ETFA: variants seen among roughly 807,000 people sequenced by gnomAD.
The protein encoded by ETFA is electron transfer flavoprotein subunit alpha.
A neutral mutation model predicts 46.2 loss-of-function variants in ETFA; 22 were observed. The ratio of observed to expected loss-of-function variants is 0.48; its 90% confidence interval spans 0.34 to 0.68. The LOEUF (loss-of-function observed/expected upper bound fraction) is 0.68. ETFA is among the 30% of genes least tolerant of loss of function. The pLI, the probability that ETFA is intolerant of heterozygous loss-of-function variation, is 0.01. For missense variants in ETFA, 345 were observed against 401.1 expected (o/e 0.86, Z 1.19); for synonymous variants, 131 against 139.9 (o/e 0.94, Z 0.45).
chr15:76,268,284 T>C (rs768721347), intron 9 of ETFA, among the ~76,000 whole-genome samples: 1 of 150,748 alleles, frequency 6.6e-6, no homozygotes, highest in Non-Finnish European at 1.5e-5. Context: ...ATGAAAAAAC[T>C]GTGTGGGTGC....
chr15:76,227,708 C>T (rs889665197), intron 10 of ETFA: 7 of 407,484 alleles, frequency 1.7e-5, no homozygotes, highest in Non-Finnish European at 2.9e-5. Flanking sequence ...TAAGTTTCTA[C>T]CTACCTGGCA....
intron 5 of ETFA, among the ~76,000 whole-genome samples, 196 bp from the exon 6 acceptor site, chr15:76,286,677 A>G (rs2039708052): frequency 6.6e-6 from 1 of 152,172 alleles, no homozygotes; most frequent in African/African-American, 2.4e-5. Flanking sequence ...ATAACCCTGG[A>G]TGTCTTTAAA....
chr15:76,287,013 T>C (rs928651023), intron 5 of ETFA, among the ~76,000 whole-genome samples: 3 of 152,062 alleles, frequency 2.0e-5, no homozygotes, highest in Non-Finnish European at 2.9e-5. Flanking sequence ...TCAAACATTA[T>C]GGAAGATGAA....
intron 11 of ETFA, among the ~76,000 whole-genome samples, chr15:76,216,995 C>T (rs978736216): frequency 6.6e-6 from 1 of 151,752 alleles, no homozygotes; most frequent in African/African-American, 2.4e-5. Flanking sequence ...CTGTCTAATT[C>T]TTGTAGAGAT....
At chr15:76,244,773 T>C (rs1005303377) in intron 9 of ETFA, among the ~76,000 whole-genome samples, 4 of 152,246 alleles carry the variant, frequency 2.6e-5, no homozygotes, top group Non-Finnish European at 5.9e-5. Context: ...TGTCTACTCT[T>C]ATTGATTTTC....
At chr15:76,259,115 T>A in intron 9 of ETFA, 1 of 1,524,518 alleles carries the variant, frequency 6.6e-7, no homozygotes, top group South Asian at 1.1e-5. Context: ...TGAGGATGTA[T>A]CAACATTCAC....
intron 2 of ETFA, among the ~76,000 whole-genome samples, chr15:76,293,448 A>G (rs74026416): frequency 0.013 from 1,914 of 152,316 alleles, 33 homozygotes; most frequent in African/African-American, 0.039. Context: ...ACATACACAT[A>G]TTTATCTATG....
intron 8 of ETFA, among the ~76,000 whole-genome samples, chr15:76,275,745 G>C (rs1476331531): frequency 6.6e-6 from 1 of 152,004 alleles, no homozygotes; most frequent in Non-Finnish European, 1.5e-5. Flanking sequence ...GCTATTAGTT[G>C]TATTTTTGTT....
At position 76,286,499 on chromosome 15, in the gene ETFA, T is replaced by C; in HGVS notation, c.452-18A>G. On this transcript the variant is annotated intron_variant, in intron 5 of 11. Coordinates refer to ENST00000557943, the MANE Select transcript of ETFA (RefSeq NM_000126.4). ...AGCATTTCCTGAAACATACAATCTATTTCTTAAAAGCAACAGCAAAAGGCA... is the reference window on the plus strand; with the variant it reads ...AGCATTTCCTGAAACATACAATCTACTTCTTAAAAGCAACAGCAAAAGGCA... 2 of 1,553,092 alleles carry C rather than the reference T, an allele frequency of 1.3e-6. No homozygotes were observed. Among genetic ancestry groups the C allele is most frequent in the Middle Eastern group, 1.7e-4 (1 of 5,956 alleles).
At chr15:76,219,841 G>A (rs1482676870) in intron 11 of ETFA, among the ~76,000 whole-genome samples, 1 of 152,208 alleles carries the variant, frequency 6.6e-6, no homozygotes, top group Non-Finnish European at 1.5e-5. Context: ...AAGTGTTACT[G>A]AGGATGTGGA....
At chr15:76,299,636 C>A (rs1433493256) in intron 1 of ETFA, among the ~76,000 whole-genome samples, 1 of 152,144 alleles carries the variant, frequency 6.6e-6, no homozygotes, top group Non-Finnish European at 1.5e-5. Flanking sequence ...TAGAAGGTAG[C>A]CTCACCTCCT....
At chr15:76,273,680 TA>T (rs2039564150) in intron 9 of ETFA, among the ~76,000 whole-genome samples, 1 of 152,072 alleles carries the variant, frequency 6.6e-6, no homozygotes, top group Admixed American at 6.6e-5. Flanking sequence ...CACTGGGATG[TA>T]AGATTTTTTT....
intron 10 of ETFA, chr15:76,228,387 T>G (rs1215288583): frequency 5.0e-6 from 1 of 199,928 alleles, no homozygotes; most frequent in Non-Finnish European, 1.0e-5. Context: ...GTTCTCACTG[T>G]GTTGCCCAGG....
intron 8 of ETFA, among the ~76,000 whole-genome samples, chr15:76,276,615 G>A (rs1000898971): frequency 3.3e-5 from 5 of 151,792 alleles, no homozygotes; most frequent in African/African-American, 1.2e-4. Flanking sequence ...TTACAGTTCA[G>A]GTTTTTTTGT....
intron 7 of ETFA, 96 bp from the exon 8 acceptor site, chr15:76,283,921 A>G: frequency 1.2e-6 from 1 of 814,804 alleles, no homozygotes; most frequent in Non-Finnish European, 2.1e-6. Flanking sequence ...TTTTCATATT[A>G]TGTAACTGCC....
chr15:76,261,037 G>T (rs544847940), intron 9 of ETFA: 2 of 1,595,410 alleles, frequency 1.3e-6, no homozygotes, highest in Non-Finnish European at 1.7e-6. Flanking sequence ...ACTGCAGGCA[G>T]TGCTTGAAGG....
At position 76,216,198 on chromosome 15, in the gene ETFA, A is replaced by T. The variant is rs1340337983; in HGVS notation, c.*361T>A. On this transcript the variant is annotated 3_prime_UTR_variant, in exon 12 of 12. Transcript: ENST00000557943. Reference sequence around the variant, plus strand: ...TGTTTACAATCTTCCTAAAACATAGAGCTCTCCATGAACAAGAAAGGCAAA... The same window carrying T: ...TGTTTACAATCTTCCTAAAACATAGTGCTCTCCATGAACAAGAAAGGCAAA... 2 of 211,044 alleles carry T rather than the reference A, an allele frequency of 9.5e-6. No homozygotes were observed. The highest frequency in any genetic ancestry group is 4.7e-5 in the African/African-American group (2 of 42,142). 13.1% of individuals were successfully genotyped at this position (211,044 alleles called of 1,614,324 possible).
chr15:76,257,379 AAAG>A (rs1279355867), intron 9 of ETFA, among the ~76,000 whole-genome samples: 3 of 152,238 alleles, frequency 2.0e-5, no homozygotes, highest in African/African-American at 7.2e-5. Flanking sequence ...GAACTTCTCA[AAAG>A]AAGACATTTA....
chr15:76,216,639 C>T (rs1363618761), intron 11 of ETFA, 42 bp from the exon 12 acceptor site: 5 of 1,285,072 alleles, frequency 3.9e-6, no homozygotes, highest in Non-Finnish European at 5.7e-6. Flanking sequence ...CTAGAGCCTT[C>T]ACTGTGATAT....
Sources: gnomAD v4.1 joint callset for allele counts (sites outside exome capture counted in the v4.1 genomes callset) on GRCh38, gnomAD v4.1.1 for gene constraint, MANE v1.5 for transcripts, NCBI Gene and HGNC (gene_info 2026-07-23, HGNC 2026-07-21) for gene names.